The following CSMD1 variants were observed in gnomAD, a reference collection of about 807,000 sequenced individuals.
CSMD1 encodes the protein CUB and Sushi multiple domains 1, also known as CUB and sushi domain-containing protein 1.
Under a neutral mutation model 417.5 loss-of-function variants are expected in CSMD1, and 213 were observed. That is an observed-to-expected ratio of 0.51 (90% CI 0.46 to 0.57). The LOEUF (loss-of-function observed/expected upper bound fraction) is 0.57. Ranked by LOEUF, CSMD1 falls within the 20% of genes least tolerant of loss-of-function variation. CSMD1 has a pLI of 0.00. For synonymous variants in CSMD1, 2,862 were observed against 1,736.8 expected (o/e 1.65, Z -16.11); for missense variants, 6,923 against 4,529.7 (o/e 1.53, Z -15.17).
At chr8:4,930,349 G>A (rs897962005) in intron 1 of CSMD1, among the ~76,000 whole-genome samples, 1 of 152,038 alleles carries the variant, frequency 6.6e-6, no homozygotes, top group African/African-American at 2.4e-5. Flanking sequence ...ATGTAATTCT[G>A]ATTTCATTCA....
At chr8:4,034,802 C>T (rs1797531476) in intron 3 of CSMD1, among the ~76,000 whole-genome samples, 1 of 152,168 alleles carries the variant, frequency 6.6e-6, no homozygotes. Context: ...GCTAATTCTT[C>T]TTAGAAGGCA....
intron 3 of CSMD1, among the ~76,000 whole-genome samples, chr8:4,326,281 G>A (rs1799558885): frequency 6.6e-6 from 1 of 152,152 alleles, no homozygotes; most frequent in Non-Finnish European, 1.5e-5. Context: ...TACGGTGGGA[G>A]ACTCAGACAT....
At chr8:4,189,041 G>A (rs1482751629) in intron 3 of CSMD1, among the ~76,000 whole-genome samples, 2 of 152,120 alleles carry the variant, frequency 1.3e-5, no homozygotes, top group African/African-American at 4.8e-5. Flanking sequence ...TGAAAGCCCA[G>A]GTTTTATTTG....
At chr8:3,506,382 G>T (rs1321669217) in intron 10 of CSMD1, among the ~76,000 whole-genome samples, 1 of 152,172 alleles carries the variant, frequency 6.6e-6, no homozygotes, top group Non-Finnish European at 1.5e-5. Flanking sequence ...TGGAGGTAGG[G>T]GAGTAAACAC....
chr8:3,060,521 C>T (rs1033659997), intron 49 of CSMD1, among the ~76,000 whole-genome samples: 1 of 152,152 alleles, frequency 6.6e-6, no homozygotes, highest in African/African-American at 2.4e-5. Flanking sequence ...ACTATTAGAA[C>T]AGACCACTTA....
chr8:4,685,569 C>A (rs762928077), intron 1 of CSMD1, among the ~76,000 whole-genome samples: 1 of 151,708 alleles, frequency 6.6e-6, no homozygotes, highest in Non-Finnish European at 1.5e-5. Context: ...GAATGAGACT[C>A]CTTCTTTAAA....
intron 2 of CSMD1, among the ~76,000 whole-genome samples, chr8:4,602,949 T>A (rs898030410): frequency 3.9e-5 from 6 of 151,948 alleles, no homozygotes; most frequent in Non-Finnish European, 8.8e-5. Flanking sequence ...ACTATAAAAA[T>A]AGATAAAAAA....
intron 1 of CSMD1, among the ~76,000 whole-genome samples, chr8:4,736,544 G>A (rs1238359080): frequency 1.3e-5 from 2 of 152,134 alleles, no homozygotes; most frequent in Non-Finnish European, 2.9e-5. Context: ...GACAGCTGCG[G>A]GAAAACCCCA....
intron 1 of CSMD1, among the ~76,000 whole-genome samples, chr8:4,970,553 G>T (rs34098727): frequency 0.51 from 77,311 of 151,606 alleles, 20,201 homozygotes; most frequent in Middle Eastern, 0.61. Flanking sequence ...TTGGACAACA[G>T]GTGGTATGAA....
intron 3 of CSMD1, among the ~76,000 whole-genome samples, chr8:4,298,747 T>C (rs1797818715): frequency 6.6e-6 from 1 of 152,094 alleles, no homozygotes; most frequent in South Asian, 2.1e-4. Flanking sequence ...AAGAAATTAA[T>C]GTTAAAGTGA....
At position 4,266,505 on chromosome 8, in the gene CSMD1, A is replaced by G. The variant is rs1295160896; in HGVS notation, c.415+153448T>C. Among the ~76,000 whole-genome samples, 2 of 104,866 alleles carry G rather than the reference A, an allele frequency of 1.9e-5. 1 individual carries two copies. Among genetic ancestry groups the G allele is most frequent in the Non-Finnish European group, 5.1e-5 (2 of 38,956 alleles). The allele number at this position is 104,866 out of a possible 152,430, so 68.8% of individuals were successfully genotyped here. ...TTATAACTCTGTCAAAGTATTCACT[A>G]AATTTTAAAAAGTAGAACAATTTCA... is the stretch of plus-strand genomic sequence containing the variant. On this transcript the variant is annotated intron_variant, in intron 3 of 69. Coordinates refer to ENST00000635120, the MANE Select transcript of CSMD1 (RefSeq NM_033225.6).
chr8:4,686,489 A>G (rs1806394614), intron 1 of CSMD1, among the ~76,000 whole-genome samples: 1 of 152,228 alleles, frequency 6.6e-6, no homozygotes, highest in Non-Finnish European at 1.5e-5. Context: ...GAGAAAAGAA[A>G]TAACCTGTCT....
chr8:3,720,701 C>T (rs1802112229), intron 6 of CSMD1, among the ~76,000 whole-genome samples: 1 of 151,498 alleles, frequency 6.6e-6, no homozygotes, highest in African/African-American at 2.4e-5. Context: ...TAAATGATAC[C>T]TAGTTCCAGG....
chr8:2,951,003 G>A (rs1802588050), intron 66 of CSMD1, 111 bp downstream of exon 66: 3 of 1,103,598 alleles, frequency 2.7e-6, no homozygotes, highest in Non-Finnish European at 3.8e-6. Context: ...TATATACAAA[G>A]CCAACAGAAC....
intron 3 of CSMD1, among the ~76,000 whole-genome samples, chr8:4,070,637 G>A (rs1031221451): frequency 1.3e-4 from 20 of 152,174 alleles, no homozygotes; most frequent in South Asian, 4.1e-4. Context: ...GATTACAGGC[G>A]TGAGCCACCG....
intron 2 of CSMD1, among the ~76,000 whole-genome samples, chr8:4,548,156 G>T (rs1158835834): frequency 6.6e-6 from 1 of 152,018 alleles, no homozygotes; most frequent in East Asian, 1.9e-4. Context: ...GAATGTCTAG[G>T]ATTGGAGACT....
chr8:4,566,787 G>A (rs552136692), intron 2 of CSMD1, among the ~76,000 whole-genome samples: 3 of 151,460 alleles, frequency 2.0e-5, no homozygotes, highest in East Asian at 1.9e-4. Flanking sequence ...GAATAAAATC[G>A]TATGTTTGTT....
At chr8:3,984,439 G>A (rs917886910) in intron 5 of CSMD1, among the ~76,000 whole-genome samples, 3 of 151,976 alleles carry the variant, frequency 2.0e-5, no homozygotes, top group Non-Finnish European at 4.4e-5. Flanking sequence ...AACCTAAACA[G>A]AGAGGCACAT....
intron 3 of CSMD1, among the ~76,000 whole-genome samples, chr8:4,119,274 A>G (rs2130936590): frequency 6.6e-6 from 1 of 152,300 alleles, no homozygotes; most frequent in South Asian, 2.1e-4. Context: ...AAAAATAGAA[A>G]CAAATGGAAA....
Sources: allele counts gnomAD v4.1 joint callset (sites outside exome capture counted in the v4.1 genomes callset), GRCh38; gene constraint gnomAD v4.1.1; transcripts MANE v1.5; gene names NCBI Gene and HGNC (gene_info 2026-07-23, HGNC 2026-07-21).